Variants in SORCS3 observed in about 807,000 individuals in gnomAD.
SORCS3 encodes the protein sortilin related VPS10 domain containing receptor 3.
A neutral mutation model predicts 146.3 loss-of-function variants in SORCS3; 57 were observed. The observed-to-expected ratio is 0.39, with a 90% CI of 0.31 to 0.49. The LOEUF is 0.49. Among genes scored for constraint, SORCS3 ranks in the 20% least tolerant of loss-of-function variants. The pLI, the probability that SORCS3 is intolerant of heterozygous loss-of-function variation, is 0.92. For synonymous variants in SORCS3, 653 were observed against 618.5 expected, an observed-to-expected ratio of 1.06 and a Z score of -0.83; for missense variants, 1,341 against 1,575.5, an observed-to-expected ratio of 0.85 and a Z score of 2.52.
chr10:104,716,064 C>G (rs768699683), intron 1 of SORCS3, among the ~76,000 whole-genome samples: 2 of 152,178 alleles, frequency 1.3e-5, no homozygotes, highest in Non-Finnish European at 2.9e-5. Flanking sequence ...AATCCTCTTT[C>G]CCCAAATCTA....
intron 3 of SORCS3, among the ~76,000 whole-genome samples, chr10:104,951,794 A>G (rs546582789): frequency 6.6e-6 from 1 of 152,200 alleles, no homozygotes; most frequent in African/African-American, 2.4e-5. Flanking sequence ...GAGAAGTCAC[A>G]TCCCAGGATA....
intron 1 of SORCS3, among the ~76,000 whole-genome samples, chr10:104,832,952 C>T (rs2018018243): frequency 1.3e-5 from 2 of 152,124 alleles, no homozygotes; most frequent in African/African-American, 4.8e-5. Context: ...TTTGGTGGGA[C>T]CCACATCCTA....
chr10:104,875,901 A>G (rs1044865765), intron 2 of SORCS3, among the ~76,000 whole-genome samples: 2 of 152,178 alleles, frequency 1.3e-5, no homozygotes, highest in Admixed American at 6.6e-5. Context: ...AAGCCTTAGA[A>G]TAGCTAAATA....
intron 8 of SORCS3, among the ~76,000 whole-genome samples, chr10:105,147,236 AC>A (rs2056137534): frequency 6.6e-6 from 1 of 152,296 alleles, no homozygotes; most frequent in Non-Finnish European, 1.5e-5. Context: ...GAATTTAAAA[AC>A]ATAAATGAAT....
intron 2 of SORCS3, among the ~76,000 whole-genome samples, chr10:104,865,766 C>T (rs900012837): frequency 6.6e-6 from 1 of 152,166 alleles, no homozygotes; most frequent in East Asian, 1.9e-4. Context: ...GGAATTTTTT[C>T]TTGACATGAA....
intron 7 of SORCS3, among the ~76,000 whole-genome samples, chr10:105,125,312 C>T (rs10884097): frequency 0.074 from 11,184 of 152,136 alleles, 596 homozygotes; most frequent in Admixed American, 0.15. Context: ...ACAACTGACA[C>T]GAATTAAGTG....
chr10:104,746,138 C>CTT (rs1287233951), intron 1 of SORCS3, among the ~76,000 whole-genome samples: 1 of 132,110 alleles, frequency 7.6e-6, no homozygotes, highest in Non-Finnish European at 1.7e-5. Flanking sequence ...TAACTGTTTT[C>CTT]TTTTTTTTTT....
rs1465397143 is a variant in SORCS3, at chr10:105,258,178, G to A, written c.3443+1254G>A. On this transcript the variant is annotated intron_variant, in intron 25 of 26. Coordinates refer to ENST00000369701, the MANE Select transcript of SORCS3 (RefSeq NM_014978.3). Reference sequence around the variant, plus strand: ...CAGGAATTCTATCAACACCCTCCACGCTCTCTAGAAGGACAGAGTGAGATT... The same window carrying A: ...CAGGAATTCTATCAACACCCTCCACACTCTCTAGAAGGACAGAGTGAGATT... Among the ~76,000 whole-genome samples the A allele has an allele frequency of 2.0e-5, 3 of 152,166 alleles. 1 individual carries two copies.
At position 104,953,363 on chromosome 10, in the gene SORCS3, G is replaced by GA. The variant is rs1479249981; in HGVS notation, c.796-23967dup. On this transcript the variant is annotated intron_variant, in intron 3 of 26. Coordinates refer to ENST00000369701, the MANE Select transcript of SORCS3 (RefSeq NM_014978.3). ...CCATTCTGCAAGGAACTGGAAGCAA[G>GA]AAAAATGATGTCCTTGCTGTAGGTA... Among the ~76,000 whole-genome samples the GA allele has an allele frequency of 2.6e-5, 4 of 152,308 alleles. No individual in the cohort carries two copies. In the South Asian group the frequency reaches 6.2e-4, roughly 24 times the overall value.
chr10:105,167,188 T>A, intron 12 of SORCS3, 70 bp from the exon 13 acceptor site: 1 of 1,223,090 alleles, frequency 8.2e-7, no homozygotes, highest in Non-Finnish European at 1.2e-6. Context: ...TGTGAAAGAC[T>A]GTAAACTGTT....
chr10:104,721,856 A>T (rs913599276), intron 1 of SORCS3, among the ~76,000 whole-genome samples: 2 of 152,240 alleles, frequency 1.3e-5, no homozygotes, highest in African/African-American at 4.8e-5. Flanking sequence ...TAAGTTGCCT[A>T]TCAGCTTAAG....
chr10:104,841,495 T>C lies in SORCS3; in HGVS notation c.628-1297T>C, dbSNP rs74946908. ...GAGAAATTGAATATTCCCGTCACCT[T>C]TGGCACATAATGGATCATATCCCTT... On this transcript the variant is annotated intron_variant, in intron 1 of 26. Coordinates refer to ENST00000369701, the MANE Select transcript of SORCS3 (RefSeq NM_014978.3). 1.4e-4 allele frequency among the ~76,000 whole-genome samples: 22 copies of C among 152,292 alleles called. No homozygotes were observed. In the East Asian group the frequency reaches 4.2e-3, roughly 29 times the overall value.
intron 5 of SORCS3, among the ~76,000 whole-genome samples, chr10:105,061,564 G>A (rs1342120605): frequency 4.6e-5 from 7 of 151,026 alleles, no homozygotes; most frequent in African/African-American, 1.7e-4. Flanking sequence ...CAAAGTGCTT[G>A]GATTAAAGGC....
chr10:104,896,622 C>T (rs2018801592), intron 2 of SORCS3, among the ~76,000 whole-genome samples: 1 of 152,154 alleles, frequency 6.6e-6, no homozygotes, highest in African/African-American at 2.4e-5. Flanking sequence ...AGTGGTGGCC[C>T]ACAGGCCAAA....
At chr10:105,107,312 GA>G (rs1223558700) in intron 7 of SORCS3, among the ~76,000 whole-genome samples, 2 of 144,076 alleles carry the variant, frequency 1.4e-5, no homozygotes, top group East Asian at 3.9e-4. Context: ...TTTCTATTTA[GA>G]TTTTTTTTTT....
intron 1 of SORCS3, among the ~76,000 whole-genome samples, chr10:104,809,835 T>C (rs1589507389): frequency 6.6e-6 from 1 of 152,194 alleles, no homozygotes; most frequent in African/African-American, 2.4e-5. Context: ...ACTCCCAGCA[T>C]ATGAGGTTAA....
intron 4 of SORCS3, among the ~76,000 whole-genome samples, chr10:105,039,642 A>G (rs749498359): frequency 6.6e-6 from 1 of 151,862 alleles, no homozygotes; most frequent in South Asian, 2.1e-4. Flanking sequence ...TTTTTAGTAG[A>G]GATGGGGTTT....
rs548239686 is a variant in SORCS3, at chr10:104,670,963, A to G, written c.627+29009A>G. 3.0e-4 allele frequency among the ~76,000 whole-genome samples: 46 copies of G among 152,030 alleles called. 1 individual carries two copies. Among genetic ancestry groups the G allele is most frequent in the Admixed American group, 2.7e-3 (41 of 15,276 alleles). ...ATTGTTTTCATAATTTTCTTTTCCA[A>G]TTGTTCCTTGTTAATGTAACGATAT... On this transcript the variant is annotated intron_variant, in intron 1 of 26. Coordinates refer to ENST00000369701, the MANE Select transcript of SORCS3 (RefSeq NM_014978.3).
intron 3 of SORCS3, among the ~76,000 whole-genome samples, chr10:104,972,151 C>T (rs1308905641): frequency 6.6e-6 from 1 of 151,978 alleles, no homozygotes; most frequent in African/African-American, 2.4e-5. Context: ...CCAGCCTGGC[C>T]AACGTGGCAA....
Sources: gnomAD v4.1 joint callset for allele counts (sites outside exome capture counted in the v4.1 genomes callset) on GRCh38, gnomAD v4.1.1 for gene constraint, MANE v1.5 for transcripts, NCBI Gene and HGNC (gene_info 2026-07-23, HGNC 2026-07-21) for gene names.